Variants in SPATA22 observed in about 807,000 individuals in gnomAD.
SPATA22 encodes spermatogenesis associated 22.
SPATA22 carries 29 observed loss-of-function variants against 47.8 expected under a neutral mutation model. The ratio of observed to expected loss-of-function variants is 0.61; its 90% CI spans 0.45 to 0.83. SPATA22 has a LOEUF of 0.83. Ranked by LOEUF, SPATA22 falls within the 40% of genes least tolerant of loss-of-function variation. The probability of loss-of-function intolerance (pLI) is 0.00; values close to 1 mark genes in which losing one functional copy is unlikely to be tolerated. For synonymous variants in SPATA22, 133 were observed against 140.9 expected (o/e 0.94, Z 0.40); for missense variants, 410 against 421.7 (o/e 0.97, Z 0.24).
At position 3,494,406 on chromosome 17, in the gene SPATA22, T is replaced by C. The variant is rs778203652; in HGVS notation, c.-74+19006A>G. The C allele has an allele frequency of 1.9e-6, 3 of 1,613,362 alleles. No individual in the cohort carries two copies. The South Asian group carries it at 3.3e-5, about 18-fold the overall frequency. On this transcript the variant is annotated intron_variant, in intron 1 of 8. Transcript: ENST00000541913. Reference sequence around the variant, plus strand: ...CTATAAAATTATAGAGAAAGTTGATTACCCCCGGGATGAAAATGGAGAAAT... The same window carrying C: ...CTATAAAATTATAGAGAAAGTTGATCACCCCCGGGATGAAAATGGAGAAAT...
chr17:3,454,638 T>C (rs1419787670), intron 5 of SPATA22, among the ~76,000 whole-genome samples: 1 of 152,124 alleles, frequency 6.6e-6, no homozygotes, highest in Non-Finnish European at 1.5e-5. Flanking sequence ...CTCATCATTT[T>C]TTATGGCTGC....
rs1244881157 is a variant in SPATA22, at chr17:3,490,133, A to G, written c.-73-20735T>C. Among the ~76,000 whole-genome samples the G allele has an allele frequency of 6.6e-5, 10 of 152,230 alleles. No homozygotes were observed. Among genetic ancestry groups the G allele is most frequent in the African/African-American group, 2.4e-4 (10 of 41,454 alleles). On this transcript the variant is annotated intron_variant, in intron 1 of 8. Transcript: ENST00000541913. This position sits in a 1 kb window ranked among gnomAD's most constrained non-coding sequence, Gnocchi z 4.6. ...GTTAACACATCACAGGGAAAGTCCTAGAAGAAAACACACCAAACTGATAAC... is the reference window on the plus strand; with the variant it reads ...GTTAACACATCACAGGGAAAGTCCTGGAAGAAAACACACCAAACTGATAAC...
chr17:3,483,697 C>T, intron 1 of SPATA22: 1 of 1,145,298 alleles, frequency 8.7e-7, no homozygotes, highest in Non-Finnish European at 1.3e-6. Flanking sequence ...GAGTCTTGCT[C>T]TGTCACCCAG....
chr17:3,449,199 A>G (rs1396806369), intron 5 of SPATA22, 50 bp from the exon 6 acceptor site: 1 of 1,330,962 alleles, frequency 7.5e-7, no homozygotes, highest in African/African-American at 1.5e-5. Context: ...TTTCTTAATT[A>G]CAAAAAAAAT....
chr17:3,471,884 T>C, upstream of SPATA22: 1 of 984,888 alleles, frequency 1.0e-6, no homozygotes, highest in Non-Finnish European at 1.2e-6. Context: ...CGATGGCATC[T>C]TCGCTGCCTG....
intron 1 of SPATA22, among the ~76,000 whole-genome samples, chr17:3,493,364 C>A (rs1042233929): frequency 1.3e-5 from 2 of 151,968 alleles, no homozygotes; most frequent in Non-Finnish European, 2.9e-5. Flanking sequence ...AAATCGAGAC[C>A]ATCCTGGCCA....
intron 1 of SPATA22, among the ~76,000 whole-genome samples, chr17:3,497,059 G>A (rs1006801649): frequency 4.6e-5 from 7 of 152,190 alleles, no homozygotes; most frequent in South Asian, 4.1e-4. Flanking sequence ...CTGAGATTAC[G>A]TCTAAAAAGA....
At chr17:3,457,804 C>T (rs942748601) in intron 5 of SPATA22, among the ~76,000 whole-genome samples, 1 of 152,152 alleles carries the variant, frequency 6.6e-6, no homozygotes, top group Non-Finnish European at 1.5e-5. Context: ...CACCTTACAC[C>T]ATATACAAAA....
At chr17:3,505,151 G>A (rs772390846) in intron 1 of SPATA22, among the ~76,000 whole-genome samples, 2 of 25,594 alleles carry the variant, frequency 7.8e-5, no homozygotes, top group East Asian at 4.1e-4. Context: ...GCTAAATGAC[G>A]CTACTCTTAA....
At chr17:3,484,524 G>T (rs1048197021) in intron 1 of SPATA22, among the ~76,000 whole-genome samples, 8 of 152,134 alleles carry the variant, frequency 5.3e-5, no homozygotes, top group African/African-American at 1.9e-4. Flanking sequence ...ATGTGTTTGG[G>T]GGAGGAAAGG....
At position 3,467,452 on chromosome 17, in the gene SPATA22, T is replaced by C. The variant is rs377297964; in HGVS notation, c.146A>G (p.Asn49Ser). Residue 49 changes from asparagine to serine, a missense_variant, in exon 3 of 9, where the codon AAT (asparagine) becomes AGT (serine). Asn to Ser is a conservative substitution (Grantham distance 46). Coordinates refer to ENST00000572969, the MANE Select transcript of SPATA22 (RefSeq NM_001170698.2). ...TGTAGGTAGAGGAGGAAAATCATAA[T>C]TGTCAGAAGGGGTACTGATACCTGA... ...DDSGISTPSDNYDFPPLPTDW... is the reference protein window; with the variant it reads ...DDSGISTPSDSYDFPPLPTDW... 207 of 1,602,346 alleles carry C rather than the reference T, an allele frequency of 1.3e-4. No homozygotes were observed. Among genetic ancestry groups the C allele is most frequent in the Non-Finnish European group, 1.7e-4 (198 of 1,175,566 alleles).
chr17:3,494,536 C>A, intron 1 of SPATA22: 1 of 1,230,346 alleles, frequency 8.1e-7, no homozygotes. Flanking sequence ...GCTCATACAG[C>A]ACTTCGCGTA....
At chr17:3,478,048 G>T (rs549728633) in intron 1 of SPATA22, among the ~76,000 whole-genome samples, 5 of 152,074 alleles carry the variant, frequency 3.3e-5, no homozygotes, top group Non-Finnish European at 7.4e-5. Context: ...AGCCGGGCAT[G>T]GTGGCGGGCA....
chr17:3,479,903 GA>G (rs34744839), intron 1 of SPATA22, among the ~76,000 whole-genome samples: 55,589 of 151,830 alleles, frequency 0.37, 12,962 homozygotes, highest in Non-Finnish European at 0.54. Flanking sequence ...ATTATATCTA[GA>G]AAAAAAATGT....
chr17:3,485,022 G>GTT lies in SPATA22; in HGVS notation c.-73-15626_-73-15625dup, dbSNP rs1242504902. Among the ~76,000 whole-genome samples the GTT allele has an allele frequency of 6.6e-6, 1 of 150,422 alleles. No homozygotes were observed. The highest frequency in any genetic ancestry group is 6.6e-5 in the Admixed American group (1 of 15,040). ...TGATCATCATTCACAGTAGGGTTTT[G>GTT]TTTTGTTTTTTTTCTGGAAAAGGGT... is the stretch of plus-strand genomic sequence containing the variant. On this transcript the variant is annotated intron_variant, in intron 1 of 8. Coordinates refer to the SPATA22 transcript ENST00000541913. This position sits in a 1 kb window ranked among gnomAD's most constrained non-coding sequence, Gnocchi z 4.4.
rs2072791738 is a variant in SPATA22, at chr17:3,448,986, T to G, written c.493A>C (p.Asn165His). ...TCGGTTTCTTTGTTGCGAGATAAGT[T>G]AGGAGGTTCAGGTATTCTTAATTGT... ...QKQLRIPEPP[N>H]LSRNKETELL... The change falls in exon 6 of 9, where the codon AAC (asparagine) becomes CAC (histidine). Residue 165 changes from asparagine to histidine, a missense_variant. Transcript: ENST00000572969. The G allele has an allele frequency of 1.2e-6, 2 of 1,613,928 alleles. No homozygotes were observed. The highest frequency in any genetic ancestry group is 1.7e-6 in the Non-Finnish European group (2 of 1,179,976).
intron 1 of SPATA22, among the ~76,000 whole-genome samples, chr17:3,480,922 C>T (rs1306187517): frequency 2.0e-5 from 3 of 152,150 alleles, no homozygotes; most frequent in Admixed American, 6.5e-5. Context: ...TAGTTCAAGA[C>T]CAGCCTGGGC....
rs764164681 is a variant in SPATA22, at chr17:3,462,699, C to T, written c.233+8G>A. On this transcript the variant is annotated splice_region_variant and intron_variant, in intron 4 of 8. Coordinates refer to ENST00000572969, the MANE Select transcript of SPATA22 (RefSeq NM_001170698.2). ...CACACATCCAATGGTTTATATTTCTCCACATACCCGGTGTCCACTGTTTTC... is the reference window on the plus strand; with the variant it reads ...CACACATCCAATGGTTTATATTTCTTCACATACCCGGTGTCCACTGTTTTC... 12 of 1,610,186 alleles carry T rather than the reference C, an allele frequency of 7.5e-6. No individual in the cohort carries two copies. Among genetic ancestry groups the T allele is most frequent in the Middle Eastern group, 3.3e-4 (2 of 6,046 alleles).
In SPATA22 at chr17:3,440,324, C is replaced by T. The variant is rs141991199; in HGVS notation, c.915G>A (p.Pro305=). Residue 305 remains proline (P), a synonymous_variant, in exon 9 of 9, where the codon CCG becomes CCA. Coordinates refer to ENST00000572969, the MANE Select transcript of SPATA22 (RefSeq NM_001170698.2). ...TATGAACTCGGCCTCTAATCAGTCT[C>T]GGAAGTTCACGATCCTGTTTTTCAA... ...CVFYEIDREL[P]RLIRGRVHRC... 3.7e-4 allele frequency: 561 copies of T among 1,514,108 alleles called. No individual in the cohort carries two copies. The highest frequency in any genetic ancestry group is 4.5e-4 in the Non-Finnish European group (504 of 1,127,074). The allele number at this position is 1,514,108 out of a possible 1,614,324, so 93.8% of individuals were successfully genotyped here. A position where few individuals can be genotyped will look rare whatever the true frequency, so the allele number is the denominator to read the frequency against.
Sources: allele counts gnomAD v4.1 joint callset (sites outside exome capture counted in the v4.1 genomes callset), GRCh38; gene constraint gnomAD v4.1.1; non-coding constraint Gnocchi (gnomAD v3.1); transcripts MANE v1.5; gene names NCBI Gene and HGNC (gene_info 2026-07-23, HGNC 2026-07-21).